Variants in GEN1 observed in about 807,000 individuals in gnomAD.
GEN1 encodes flap endonuclease GEN homolog 1.
GEN1 carries 64 observed loss-of-function variants against 67.6 expected under a neutral mutation model. That is an observed-to-expected ratio of 0.95 (90% confidence interval 0.77 to 1.17). GEN1 has a LOEUF of 1.17. GEN1 is among the 50% of genes most tolerant of loss of function. The probability of loss-of-function intolerance (pLI) is 0.00; values close to 1 mark genes in which losing one functional copy is unlikely to be tolerated. For synonymous variants in GEN1, 371 were observed against 359.4 expected (o/e 1.03, Z -0.37); for missense variants, 1,058 against 1,048.3 (o/e 1.01, Z -0.13).
chr2:17,781,698 C>T lies in GEN1; in HGVS notation c.2486C>T (p.Ser829Leu). Residue 829 changes from serine to leucine, a missense_variant, in exon 14 of 14, where the codon TCA becomes TTA. By Grantham distance (145) the Ser-to-Leu change is moderately radical (BLOSUM62 -2). Transcript: ENST00000381254. ...AAGCACAGTTCTCAAAAGCATAATT[C>T]ATCCCATTTCAAAGAAAGTGGCCAT... ...RMKHSSQKHN[S>L]SHFKESGHNK... 4 of 1,613,738 alleles carry T rather than the reference C, an allele frequency of 2.5e-6. No individual in the cohort carries two copies. The highest frequency in any genetic ancestry group is 3.4e-6 in the Non-Finnish European group (4 of 1,179,788).
intron 1 of GEN1, among the ~76,000 whole-genome samples, chr2:17,759,215 A>G (rs1357468597): frequency 6.6e-6 from 1 of 152,232 alleles, no homozygotes; most frequent in African/African-American, 2.4e-5. Context: ...TTTACCAAAT[A>G]ATAACAAAGG....
In GEN1 at chr2:17,781,424, C is replaced by G. The variant is rs1460884392; in HGVS notation, c.2212C>G (p.Leu738Val). ...LQNESRDSKI[L>V]KGDQLLQEDY... The stretch of plus-strand genomic sequence containing the variant: ...AAATGAATCCAGAGACTCTAAAATT[C>G]TAAAAGGAGACCAGCTGCTTCAAGA... The change falls in exon 14 of 14, where the codon CTA becomes GTA. Residue 738 changes from leucine to valine, a missense_variant. Leu to Val is a conservative substitution (Grantham distance 32). Coordinates refer to ENST00000381254, the MANE Select transcript of GEN1 (RefSeq NM_001130009.3). 6.2e-6 allele frequency: 10 copies of G among 1,613,548 alleles called. No individual in the cohort carries two copies. The Admixed American group carries it at 1.3e-4, about 22-fold the overall frequency.
rs763057736 is a variant in GEN1, at chr2:17,781,091, A to C, written c.1879A>C (p.Asn627His). 5.2e-5 allele frequency: 84 copies of C among 1,613,542 alleles called. No individual in the cohort carries two copies. The highest frequency in any genetic ancestry group is 6.9e-5 in the Non-Finnish European group (81 of 1,179,614). The change falls in exon 14 of 14, where the codon AAT becomes CAT. Residue 627 changes from asparagine to histidine, a missense_variant. By Grantham distance (68) the Asn-to-His change is moderately conservative. Transcript: ENST00000381254. ...ATCAGCCATCCCTGATGGCTTTGAAAATATCCCAGAACAACTGTCCTGTGA... is the reference window on the plus strand; with the variant it reads ...ATCAGCCATCCCTGATGGCTTTGAACATATCCCAGAACAACTGTCCTGTGA... ...ELSAIPDGFE[N>H]IPEQLSCESE...
chr2:17,773,827 A>G (rs773506340), intron 10 of GEN1, among the ~76,000 whole-genome samples: 2 of 152,122 alleles, frequency 1.3e-5, no homozygotes, highest in Non-Finnish European at 2.9e-5. Context: ...ATAAATTGCA[A>G]CAACTGGGTA....
At chr2:17,767,096 G>T (rs1243175724) in intron 5 of GEN1, among the ~76,000 whole-genome samples, 1 of 152,036 alleles carries the variant, frequency 6.6e-6, no homozygotes, top group African/African-American at 2.4e-5. Flanking sequence ...TGCTATTACT[G>T]TTGCTAAGTC....
At chr2:17,769,218 T>C (rs1672071958) in intron 6 of GEN1, among the ~76,000 whole-genome samples, 1 of 151,898 alleles carries the variant, frequency 6.6e-6, no homozygotes, top group African/African-American at 2.4e-5. Flanking sequence ...ATATTATTTA[T>C]ATTAAACATG....
chr2:17,780,096 A>G lies in GEN1; in HGVS notation c.1383A>G (p.Leu461=). The change falls in exon 13 of 14, where the codon TTA becomes TTG. Residue 461 remains leucine, a synonymous_variant. Transcript: ENST00000381254. ...EIVAVYQKQK[L]EIKGKKQKRI... is the part of the protein sequence containing the mutation. The stretch of plus-strand genomic sequence containing the variant: ...TTGCTGTTTACCAAAAACAAAAGTT[A>G]GAAATTAAAGGGAAGAAACAAAAAC... 1 of 1,612,652 alleles carries G rather than the reference A, an allele frequency of 6.2e-7. No individual in the cohort carries two copies. The highest frequency in any genetic ancestry group is 1.7e-5 in the Admixed American group (1 of 59,904).
intron 1 of GEN1, among the ~76,000 whole-genome samples, chr2:17,756,571 C>T (rs890531627): frequency 6.6e-6 from 1 of 151,948 alleles, no homozygotes; most frequent in Non-Finnish European, 1.5e-5. Context: ...ATACATAGTT[C>T]TTGGTGTAGT....
intron 8 of GEN1, 71 bp from the exon 9 acceptor site, chr2:17,773,025 T>C (rs775108280): frequency 9.9e-7 from 1 of 1,006,300 alleles, no homozygotes; most frequent in Non-Finnish European, 1.5e-6. Context: ...TGGGAGGAGA[T>C]TGGCTGAGAT....
rs9306858 is a variant in GEN1 at position 17,761,589 on chromosome 2, A to G, written c.348+7A>G. On this transcript the variant is annotated splice_region_variant and intron_variant, in intron 3 of 13. Transcript: ENST00000381254. ...TAAATCAGTCTTAAGAGAGGTGAGC[A>G]TTCAGATTTGATTCAGTAATTCCGA... 17,514 of 1,579,756 alleles carry G rather than the reference A, an allele frequency of 0.011. 591 individuals carry two copies. In the African/African-American group the frequency reaches 0.11, roughly 10 times the overall value.
At chr2:17,772,808 AT>A in intron 8 of GEN1, 24 bp downstream of exon 8, 1 of 1,580,548 alleles carries the variant, frequency 6.3e-7, no homozygotes, top group Non-Finnish European at 8.6e-7. Context: ...AAAACTCATG[AT>A]TTTTCCTGGC....
chr2:17,766,191 G>A lies in GEN1; in HGVS notation c.526-388G>A, dbSNP rs139169072. Among the ~76,000 whole-genome samples the A allele has an allele frequency of 4.6e-3, 705 of 151,940 alleles. 8 individuals are homozygous for A. Among genetic ancestry groups the A allele is most frequent in the African/African-American group, 0.016 (662 of 41,454 alleles). On this transcript the variant is annotated intron_variant, in intron 4 of 13. Transcript: ENST00000381254. ...TAAACTTTTTTTCTTTTTTTGAGAC[G>A]TAGTCTCACTGTGTCACCCAATCTG...
At chr2:17,766,248 A>G (rs374927685) in intron 4 of GEN1, among the ~76,000 whole-genome samples, 1 of 152,078 alleles carries the variant, frequency 6.6e-6, no homozygotes, top group Non-Finnish European at 1.5e-5. Flanking sequence ...GCTCACTGCA[A>G]CCTCCTCCTC....
In GEN1 at chr2:17,780,067, A is replaced by G; in HGVS notation, c.1354A>G (p.Ile452Val). 1 of 1,612,294 alleles carries G rather than the reference A, an allele frequency of 6.2e-7. No individual in the cohort carries two copies. The highest frequency in any genetic ancestry group is 8.5e-7 in the Non-Finnish European group (1 of 1,178,760). ...ATTGTTTGAAGCAGCATATCCTGAG[A>G]TCGTTGCTGTTTACCAAAAACAAAA... is the stretch of plus-strand genomic sequence containing the variant. Reference protein sequence around the residue: ...ESLFEAAYPEIVAVYQKQKLE... With the variant: ...ESLFEAAYPEVVAVYQKQKLE... The change falls in exon 13 of 14, where the codon ATC (isoleucine) becomes GTC (valine). Residue 452 changes from isoleucine (I) to valine (V), a missense_variant. Transcript: ENST00000381254.
intron 5 of GEN1, among the ~76,000 whole-genome samples, chr2:17,767,559 T>G (rs969125849): frequency 6.6e-6 from 1 of 152,152 alleles, no homozygotes; most frequent in Non-Finnish European, 1.5e-5. Flanking sequence ...AAAGAAACTT[T>G]TAAATACCAC....
At position 17,780,895 on chromosome 2, in the gene GEN1, GTC is replaced by G; in HGVS notation, c.1687_1688del (p.Leu563AsnfsTer5). On this transcript the variant is annotated frameshift_variant, in exon 14 of 14. Coordinates refer to ENST00000381254, the MANE Select transcript of GEN1 (RefSeq NM_001130009.3). LOFTEE classifies it low-confidence loss of function (END_TRUNC). ...AIQQIKAVSK[S>X]LISESSQPNT... The stretch of plus-strand genomic sequence containing the variant: ...TACAGCAAATTAAAGCTGTCAGTAA[GTC>G]TCTAATTTCAGAATCTAGTCAACCC... The G allele has an allele frequency of 6.2e-7, 1 of 1,613,860 alleles. No homozygotes were observed. Among genetic ancestry groups the G allele is most frequent in the Non-Finnish European group, 8.5e-7 (1 of 1,179,904 alleles).
chr2:17,776,115 CAAAAAAAAAAA>C (rs34705905), intron 11 of GEN1, among the ~76,000 whole-genome samples: 1 of 80,694 alleles, frequency 1.2e-5, no homozygotes, highest in Non-Finnish European at 2.5e-5. Context: ...GACCCTGTCT[CAAAAAAAAAAA>C]AAAAAAAAAA....
intron 2 of GEN1, 38 bp from the exon 3 acceptor site, chr2:17,761,358 G>C (rs1476024557): frequency 2.6e-6 from 3 of 1,154,734 alleles, no homozygotes; most frequent in South Asian, 1.4e-5. Context: ...TACTATCAGT[G>C]TTTGATGATT....
chr2:17,766,267 A>C (rs1300807698), intron 4 of GEN1, among the ~76,000 whole-genome samples: 1 of 152,168 alleles, frequency 6.6e-6, no homozygotes, highest in Non-Finnish European at 1.5e-5. Context: ...TCCTGGCTTC[A>C]AGTAATTCTT....
Sources: gnomAD v4.1 joint callset for allele counts (sites outside exome capture counted in the v4.1 genomes callset) on GRCh38, gnomAD v4.1.1 for gene constraint, MANE v1.5 for transcripts, NCBI Gene and HGNC (gene_info 2026-07-23, HGNC 2026-07-21) for gene names.